SNPH: variants seen among roughly 807,000 people sequenced by gnomAD.
The protein encoded by SNPH is syntaphilin.
In SNPH, 10 loss-of-function variants were observed where a neutral mutation model predicts 36.8. The observed-to-expected ratio is 0.27, with a 90% CI of 0.17 to 0.46. The LOEUF (loss-of-function observed/expected upper bound fraction) is 0.46. Among genes scored for constraint, SNPH ranks in the 20% least tolerant of loss-of-function variants. SNPH has a pLI of 1.00. For missense variants in SNPH, 622 were observed against 744.0 expected (o/e 0.84, Z 1.91); for synonymous variants, 281 against 312.2 (o/e 0.90, Z 1.05).
At chr20:1,289,613 C>T (rs979937382) in intron 2 of SNPH, among the ~76,000 whole-genome samples, 8 of 150,330 alleles carry the variant, frequency 5.3e-5, no homozygotes, top group South Asian at 2.1e-4. Flanking sequence ...CAGGAGGTGA[C>T]GCTGGTGGAT....
Position 1,306,364 on chromosome 20 carries a change from G to A in SNPH, c.*310G>A. 3.4e-6 allele frequency: 1 copy of A among 291,356 alleles called. No homozygotes were observed. The highest frequency in any genetic ancestry group is 6.3e-6 in the Non-Finnish European group (1 of 159,372). 18.0% of individuals were successfully genotyped at this position (291,356 alleles called of 1,614,324 possible). ...CCCCTTGGCTCTTCAGACAGGGCCA[G>A]CCCTGCTCAGGAAGTCTCTGGCTGT... On this transcript the variant is annotated 3_prime_UTR_variant, in exon 7 of 7. Coordinates refer to ENST00000381867, the MANE Select transcript of SNPH (RefSeq NM_001318234.2).
intron 2 of SNPH, among the ~76,000 whole-genome samples, chr20:1,277,497 ATG>A (rs2088147360): frequency 9.6e-6 from 1 of 104,134 alleles, no homozygotes; most frequent in East Asian, 3.0e-4. Flanking sequence ...GTGTATCTGT[ATG>A]TGTGTCCGTG....
At chr20:1,293,765 C>T (rs2088392880) in intron 2 of SNPH, among the ~76,000 whole-genome samples, 1 of 152,174 alleles carries the variant, frequency 6.6e-6, no homozygotes, top group South Asian at 2.1e-4. Context: ...GTACAAGTGC[C>T]ACCCCCTTCC....
chr20:1,269,843 C>T (rs1239817314), intron 2 of SNPH, among the ~76,000 whole-genome samples: 1 of 152,186 alleles, frequency 6.6e-6, no homozygotes, highest in Non-Finnish European at 1.5e-5. Flanking sequence ...TAATTTACTG[C>T]TCAGATCATC....
Position 1,295,790 on chromosome 20 carries a change from A to G in SNPH, c.-450A>G, listed in dbSNP as rs1369126199. On this transcript the variant is annotated 5_prime_UTR_variant, in exon 4 of 7. Transcript: ENST00000381867. ...CTCCCCTGTAGACGGGAAGCCCCGA[A>G]CCACGGGCCAACTGGGAAGTTGATG... is the stretch of plus-strand genomic sequence containing the variant. 3 of 165,298 alleles carry G rather than the reference A, an allele frequency of 1.8e-5. No homozygotes were observed. Among genetic ancestry groups the G allele is most frequent in the East Asian group, 1.8e-4 (1 of 5,672 alleles). 10.2% of individuals were successfully genotyped at this position (165,298 alleles called of 1,614,324 possible). A position where few individuals can be genotyped will look rare whatever the true frequency, so the allele number is the denominator to read the frequency against.
intron 2 of SNPH, among the ~76,000 whole-genome samples, chr20:1,280,594 G>A (rs544625158): frequency 6.6e-6 from 1 of 152,310 alleles, no homozygotes; most frequent in Admixed American, 6.5e-5. Context: ...GGGACCCAGA[G>A]GTCAAGAGAG....
At chr20:1,278,280 GT>G (rs1465980090) in intron 2 of SNPH, among the ~76,000 whole-genome samples, 1 of 152,062 alleles carries the variant, frequency 6.6e-6, no homozygotes, top group Non-Finnish European at 1.5e-5. Context: ...GTGTATGTGT[GT>G]TGTTTGTGTT....
At chr20:1,296,975 A>G in intron 4 of SNPH, 170 bp from the exon 5 acceptor site, 1 of 849,760 alleles carries the variant, frequency 1.2e-6, no homozygotes, top group South Asian at 5.5e-5. Flanking sequence ...CTTGATTTGC[A>G]CTGTCTGTTC....
At chr20:1,281,719 T>C (rs1318630152) in intron 2 of SNPH, among the ~76,000 whole-genome samples, 1 of 152,208 alleles carries the variant, frequency 6.6e-6, no homozygotes, top group African/African-American at 2.4e-5. Context: ...GAAGCCCCTC[T>C]CTCTTCTGCC....
Position 1,295,974 on chromosome 20 carries a change from A to T in SNPH, c.-266A>T. On this transcript the variant is annotated 5_prime_UTR_variant, in exon 4 of 7. Coordinates refer to ENST00000381867, the MANE Select transcript of SNPH (RefSeq NM_001318234.2). ...AAGAAGCAGGCCTGGCTCGTAGAGTAGAAGACTCGGTGCCGGCAGTCAGGA... is the reference window on the plus strand; with the variant it reads ...AAGAAGCAGGCCTGGCTCGTAGAGTTGAAGACTCGGTGCCGGCAGTCAGGA... The T allele has an allele frequency of 2.3e-6, 1 of 443,458 alleles. No individual in the cohort carries two copies. Among genetic ancestry groups the T allele is most frequent in the Non-Finnish European group, 3.9e-6 (1 of 254,370 alleles). 27.5% of individuals were successfully genotyped at this position (443,458 alleles called of 1,614,324 possible). A position where few individuals can be genotyped will look rare whatever the true frequency, so the allele number is the denominator to read the frequency against.
In SNPH at chr20:1,276,753, C is replaced by A. The variant is rs2088136434; in HGVS notation, c.-493+9993C>A. On this transcript the variant is annotated intron_variant, in intron 2 of 6. Transcript: ENST00000381867. The surrounding 1 kb of genome is among the most constrained non-coding windows in gnomAD (Gnocchi z 4.6). ...ACACATCTTCATTTGGCAGTGAGCT[C>A]CCTCCTCACTGGAGGTATTCAAACT... Among the ~76,000 whole-genome samples, 1 of 152,164 alleles carries A rather than the reference C, an allele frequency of 6.6e-6. No homozygotes were observed. Among genetic ancestry groups the A allele is most frequent in the Admixed American group, 6.5e-5 (1 of 15,276 alleles).
intron 2 of SNPH, among the ~76,000 whole-genome samples, chr20:1,271,700 A>G (rs1244566920): frequency 2.0e-5 from 3 of 152,266 alleles, no homozygotes; most frequent in African/African-American, 7.2e-5. Context: ...AAATATAACA[A>G]AAGGCATGAA....
intron 5 of SNPH, 58 bp from the exon 6 acceptor site, chr20:1,300,504 G>C: frequency 1.2e-6 from 2 of 1,603,368 alleles, no homozygotes; most frequent in Non-Finnish European, 1.7e-6. Context: ...CAGAGGTAAA[G>C]CACCTGTGCC....
chr20:1,298,738 A>G (rs1035544409), intron 5 of SNPH, among the ~76,000 whole-genome samples: 1 of 151,756 alleles, frequency 6.6e-6, no homozygotes, highest in Non-Finnish European at 1.5e-5. Context: ...CCCCTCTGCA[A>G]ATAGCCAGGC....
intron 5 of SNPH, among the ~76,000 whole-genome samples, chr20:1,300,030 G>T (rs1032529721): frequency 2.6e-5 from 4 of 152,302 alleles, no homozygotes; most frequent in African/African-American, 4.8e-5. Flanking sequence ...CCTGCTGTGT[G>T]GGGGTGAGTC....
At chr20:1,301,667 C>T (rs1256457853) in intron 6 of SNPH, among the ~76,000 whole-genome samples, 1 of 147,688 alleles carries the variant, frequency 6.8e-6, no homozygotes, top group Non-Finnish European at 1.5e-5. Context: ...TCAAAATAAA[C>T]CCCATTCCCA....
At chr20:1,303,656 C>T (rs910237450) in intron 6 of SNPH, among the ~76,000 whole-genome samples, 2 of 152,208 alleles carry the variant, frequency 1.3e-5, no homozygotes, top group Non-Finnish European at 2.9e-5. Context: ...ATGGCCACTG[C>T]ATCCCCTCAG....
chr20:1,284,147 T>A lies in SNPH; in HGVS notation c.-492-10804T>A, dbSNP rs146448743. Among the ~76,000 whole-genome samples, 27 of 152,314 alleles carry A rather than the reference T, an allele frequency of 1.8e-4. No individual in the cohort carries two copies. In the East Asian group the frequency reaches 4.8e-3, roughly 27 times the overall value. ...GAGGGGACCCTCTGGTGCTATTTTT[T>A]CAAAGATGAATAAAACTCTTCCAGC... On this transcript the variant is annotated intron_variant, in intron 2 of 6. Transcript: ENST00000381867.
At position 1,296,185 on chromosome 20, in the gene SNPH, G is replaced by A; in HGVS notation, c.-55G>A. ...TCAATTCACTGGTGGAGGCAGCCGT[G>A]GTCTGCCAGGCCCTCGCTCCTGGGG... On this transcript the variant is annotated 5_prime_UTR_variant, in exon 4 of 7. Coordinates refer to ENST00000381867, the MANE Select transcript of SNPH (RefSeq NM_001318234.2). 1 of 1,405,736 alleles carries A rather than the reference G, an allele frequency of 7.1e-7. No homozygotes were observed. The highest frequency in any genetic ancestry group is 1.5e-5 in the South Asian group (1 of 67,372). 87.1% of individuals were successfully genotyped at this position (1,405,736 alleles called of 1,614,324 possible). A position where few individuals can be genotyped will look rare whatever the true frequency, so the allele number is the denominator to read the frequency against.
Sources: allele counts gnomAD v4.1 joint callset (sites outside exome capture counted in the v4.1 genomes callset), GRCh38; gene constraint gnomAD v4.1.1; non-coding constraint Gnocchi (gnomAD v3.1); transcripts MANE v1.5; gene names NCBI Gene and HGNC (gene_info 2026-07-23, HGNC 2026-07-21).